CYTIP: variants seen among roughly 807,000 people sequenced by gnomAD.
CYTIP encodes cytohesin 1 interacting protein, also known as cytohesin-interacting protein.
In CYTIP, 26 loss-of-function variants were observed where a neutral mutation model predicts 43.8. That is an observed-to-expected ratio of 0.59 (90% CI 0.44 to 0.82). The LOEUF is 0.82. Ranked by LOEUF, CYTIP falls within the 40% of genes least tolerant of loss-of-function variation. The pLI, the probability that CYTIP is intolerant of heterozygous loss-of-function variation, is 0.00. For synonymous variants in CYTIP, 162 were observed against 162.9 expected, an observed-to-expected ratio of 0.99 and a Z score of 0.04; for missense variants, 426 against 443.1, an observed-to-expected ratio of 0.96 and a Z score of 0.35.
intron 3 of CYTIP, 138 bp from the exon 4 acceptor site, chr2:157,431,100 A>C: frequency 1.5e-6 from 1 of 654,506 alleles, no homozygotes; most frequent in Non-Finnish European, 2.5e-6. Flanking sequence ...TATAAACTAA[A>C]TCAAGGTATC....
intron 6 of CYTIP, among the ~76,000 whole-genome samples, chr2:157,420,480 T>C (rs1685505052): frequency 6.6e-6 from 1 of 151,952 alleles, no homozygotes; most frequent in Non-Finnish European, 1.5e-5. Context: ...GGCACAATTG[T>C]ACTCCACCCC....
chr2:157,433,930 A>G (rs903158495), intron 3 of CYTIP, among the ~76,000 whole-genome samples: 1 of 152,238 alleles, frequency 6.6e-6, no homozygotes, highest in African/African-American at 2.4e-5. Flanking sequence ...TATGCATTCT[A>G]TATACACAGA....
chr2:157,430,712 T>C lies in CYTIP; in HGVS notation c.383-60A>G, dbSNP rs975396650. The C allele has an allele frequency of 9.1e-6, 14 of 1,536,400 alleles. No homozygotes were observed. The East Asian group carries it at 3.2e-4, about 35-fold the overall frequency. ...GTTAGTTAAATAATCCCTCCTGACA[T>C]GCAAATGAAACAAGCAGCTCCAAGT... On this transcript the variant is annotated intron_variant, in intron 4 of 7. Transcript: ENST00000264192.
In CYTIP at chr2:157,415,574, A is replaced by G. The variant is rs924121688; in HGVS notation, c.*103T>C. Reference sequence around the variant, plus strand: ...AAGGTCACTATTGCTGTGAAATGGGATGTCAGTTTTGCAATTCTTCTGCAC... The same window carrying G: ...AAGGTCACTATTGCTGTGAAATGGGGTGTCAGTTTTGCAATTCTTCTGCAC... On this transcript the variant is annotated 3_prime_UTR_variant, in exon 8 of 8. Transcript: ENST00000264192. 3 of 710,864 alleles carry G rather than the reference A, an allele frequency of 4.2e-6. No homozygotes were observed. The highest frequency in any genetic ancestry group is 2.7e-5 in the Admixed American group (1 of 36,720). The allele number at this position is 710,864 out of a possible 1,614,324, so 44.0% of individuals were successfully genotyped here. A position where few individuals can be genotyped will look rare whatever the true frequency, so the allele number is the denominator to read the frequency against.
intron 3 of CYTIP, among the ~76,000 whole-genome samples, chr2:157,432,354 T>C (rs1178968814): frequency 1.3e-5 from 2 of 152,146 alleles, no homozygotes; most frequent in Non-Finnish European, 2.9e-5. Flanking sequence ...TTGGATGCTT[T>C]TTTCTCTTAC....
chr2:157,416,963 T>TTG (rs987691963), intron 7 of CYTIP, among the ~76,000 whole-genome samples: 156 of 151,180 alleles, frequency 1.0e-3, no homozygotes, highest in South Asian at 2.3e-3. Context: ...GGTTGGTATC[T>TTG]TGTGTGTGTG....
chr2:157,417,116 C>T (rs965320231), intron 7 of CYTIP, among the ~76,000 whole-genome samples: 1 of 152,156 alleles, frequency 6.6e-6, no homozygotes, highest in Non-Finnish European at 1.5e-5. Flanking sequence ...TGATTATCTC[C>T]ACTGCTGCTG....
At chr2:157,422,841 G>T (rs933464308) in intron 6 of CYTIP, among the ~76,000 whole-genome samples, 1 of 151,920 alleles carries the variant, frequency 6.6e-6, no homozygotes, top group African/African-American at 2.4e-5. Flanking sequence ...TAATAAGAAA[G>T]TAATTTTTAT....
At chr2:157,426,063 C>T (rs546646889) in intron 6 of CYTIP, among the ~76,000 whole-genome samples, 2 of 151,710 alleles carry the variant, frequency 1.3e-5, no homozygotes, top group East Asian at 3.9e-4. Flanking sequence ...AAAGGGAGTT[C>T]AACAAAACTG....
chr2:157,440,359 T>C (rs570109533), intron 1 of CYTIP, among the ~76,000 whole-genome samples: 7 of 152,348 alleles, frequency 4.6e-5, no homozygotes, highest in Admixed American at 6.5e-5. Flanking sequence ...CATTTCCAAG[T>C]AAGGTCTGAT....
chr2:157,423,466 TA>T, intron 6 of CYTIP, among the ~76,000 whole-genome samples: 1 of 123,362 alleles, frequency 8.1e-6, no homozygotes, highest in South Asian at 3.1e-4. Flanking sequence ...AAACTGTCTT[TA>T]AAAAAAACCA....
chr2:157,438,170 A>C (rs185982890), intron 1 of CYTIP, among the ~76,000 whole-genome samples: 1 of 152,366 alleles, frequency 6.6e-6, no homozygotes, highest in Admixed American at 6.5e-5. Context: ...TGGTATATAT[A>C]CACCATGGAA....
At chr2:157,441,603 TACACACAC>T (rs35513959) in intron 1 of CYTIP, among the ~76,000 whole-genome samples, 15,167 of 148,088 alleles carry the variant, frequency 0.1, 878 homozygotes, top group East Asian at 0.27. Flanking sequence ...TATATGCACA[TACACACAC>T]ACACACACAC....
chr2:157,417,696 TAA>T (rs547700908), intron 7 of CYTIP, among the ~76,000 whole-genome samples: 2 of 142,414 alleles, frequency 1.4e-5, no homozygotes, highest in African/African-American at 2.5e-5. Context: ...CACTTCAATT[TAA>T]AAAAAAAAAA....
intron 6 of CYTIP, among the ~76,000 whole-genome samples, chr2:157,424,940 G>A (rs1685580409): frequency 6.6e-6 from 1 of 152,004 alleles, no homozygotes; most frequent in Admixed American, 6.6e-5. Flanking sequence ...CAGTTGAAGG[G>A]GAAAGGGGGA....
chr2:157,443,952 C>T lies in CYTIP; in HGVS notation c.69G>A (p.Ala23=), dbSNP rs376714958. Residue 23 remains alanine, a synonymous_variant, in exon 1 of 8, where the codon GCG becomes GCA. Transcript: ENST00000264192. ...GNLADFCAGP[A]YSSYSTLTGS... ...CGGTGAGTGTGGAGTAAGAGCTATA[C>T]GCTGGCCCAGCGCAGAAGTCCGCCA... is the stretch of plus-strand genomic sequence containing the variant. 389 of 1,614,036 alleles carry T rather than the reference C, an allele frequency of 2.4e-4. No homozygotes were observed. The highest frequency in any genetic ancestry group is 1.3e-3 in the Middle Eastern group (8 of 6,084).
intron 1 of CYTIP, chr2:157,439,215 C>T (rs1685863271): frequency 6.5e-6 from 1 of 153,412 alleles, no homozygotes; most frequent in Non-Finnish European, 1.5e-5. Flanking sequence ...TCGGTATTAG[C>T]TAAGAGGCTG....
intron 6 of CYTIP, among the ~76,000 whole-genome samples, chr2:157,422,233 C>T (rs1048921714): frequency 6.6e-6 from 1 of 152,198 alleles, no homozygotes; most frequent in Non-Finnish European, 1.5e-5. Flanking sequence ...ATCCAGTTAT[C>T]ACATTGTGCT....
At chr2:157,433,473 T>G (rs1469611920) in intron 3 of CYTIP, among the ~76,000 whole-genome samples, 1 of 152,160 alleles carries the variant, frequency 6.6e-6, no homozygotes, top group Admixed American at 6.5e-5. Flanking sequence ...TTTCCAATTG[T>G]GGGGCTGATA....
Sources: gnomAD v4.1 joint callset for allele counts (sites outside exome capture counted in the v4.1 genomes callset) on GRCh38, gnomAD v4.1.1 for gene constraint, MANE v1.5 for transcripts, NCBI Gene and HGNC (gene_info 2026-07-23, HGNC 2026-07-21) for gene names.